Variants in SLCO1B3 observed in about 807,000 individuals in gnomAD.
The protein encoded by SLCO1B3 is solute carrier organic anion transporter family member 1B3.
A neutral mutation model predicts 71.8 loss-of-function variants in SLCO1B3; 72 were observed. That is an observed-to-expected ratio of 1.00 (90% CI 0.83 to 1.22). The LOEUF is 1.22. SLCO1B3 is among the 50% of genes most tolerant of loss of function. The probability of loss-of-function intolerance (pLI) is 0.00; values close to 1 mark genes in which losing one functional copy is unlikely to be tolerated. For missense variants in SLCO1B3, 911 were observed against 819.7 expected (o/e 1.11, Z -1.36); for synonymous variants, 298 against 278.4 (o/e 1.07, Z -0.70).
Position 20,863,999 on chromosome 12 carries a change from G to A in SLCO1B3, c.727+1145G>A, listed in dbSNP as rs183413447. Among the ~76,000 whole-genome samples, 704 of 151,540 alleles carry A rather than the reference G, an allele frequency of 4.6e-3. 4 individuals carry two copies. The highest frequency in any genetic ancestry group is 0.015 in the African/African-American group (630 of 41,286). ...CAACCTGTGAAAAGCTGGTCTCATCGTCTGATTTCCAAACCCACTTTGTTT... is the reference window on the plus strand; with the variant it reads ...CAACCTGTGAAAAGCTGGTCTCATCATCTGATTTCCAAACCCACTTTGTTT... On this transcript the variant is annotated intron_variant, in intron 8 of 15. Coordinates refer to ENST00000381545, the MANE Select transcript of SLCO1B3 (RefSeq NM_019844.4).
At chr12:20,846,530 A>G (rs931890323) in intron 3 of SLCO1B3, among the ~76,000 whole-genome samples, 2 of 152,224 alleles carry the variant, frequency 1.3e-5, no homozygotes, top group African/African-American at 4.8e-5. Context: ...AGATGGTAAT[A>G]AAAACAATGA....
At chr12:20,837,375 G>GT (rs1864706495) in intron 3 of SLCO1B3, among the ~76,000 whole-genome samples, 1 of 151,680 alleles carries the variant, frequency 6.6e-6, no homozygotes, top group East Asian at 1.9e-4. Context: ...TTCATTTGCT[G>GT]TTTTTTTCCA....
chr12:20,815,609 C>T (rs1864178510), intron 2 of SLCO1B3, 65 bp from the exon 3 acceptor site: 2 of 618,954 alleles, frequency 3.2e-6, no homozygotes, highest in African/African-American at 1.9e-5. Flanking sequence ...GAGCTTGTGG[C>T]TTTTCCTATT....
intron 3 of SLCO1B3, among the ~76,000 whole-genome samples, chr12:20,819,053 GT>G: frequency 6.6e-6 from 1 of 152,230 alleles, no homozygotes; most frequent in Non-Finnish European, 1.5e-5. Context: ...AGCATAGTTT[GT>G]GATTTTGAGG....
chr12:20,836,652 G>T (rs1265391572), intron 3 of SLCO1B3, among the ~76,000 whole-genome samples: 4 of 151,752 alleles, frequency 2.6e-5, no homozygotes, highest in Non-Finnish European at 5.9e-5. Flanking sequence ...GTTTTGTTTT[G>T]TTTTTTTGAG....
intron 13 of SLCO1B3, among the ~76,000 whole-genome samples, chr12:20,893,237 G>A (rs1865937893): frequency 6.6e-6 from 1 of 152,142 alleles, no homozygotes; most frequent in Non-Finnish European, 1.5e-5. Flanking sequence ...TTCCAGAAAA[G>A]AGGTCAAGAA....
At chr12:20,882,379 C>G (rs1865710369) in intron 12 of SLCO1B3, among the ~76,000 whole-genome samples, 1 of 152,134 alleles carries the variant, frequency 6.6e-6, no homozygotes, top group African/African-American at 2.4e-5. Context: ...AGGAATCTTT[C>G]TTGAACCATA....
intron 3 of SLCO1B3, among the ~76,000 whole-genome samples, chr12:20,827,642 G>C (rs1295420761): frequency 6.6e-6 from 1 of 151,932 alleles, no homozygotes; most frequent in African/African-American, 2.4e-5. Context: ...CATGATCTCA[G>C]TTCACTGCAA....
chr12:20,883,968 G>C (rs1175326532), intron 13 of SLCO1B3, among the ~76,000 whole-genome samples: 2 of 152,066 alleles, frequency 1.3e-5, no homozygotes, highest in Non-Finnish European at 2.9e-5. Context: ...TGATTTCATT[G>C]AAAGAAAACA....
intron 3 of SLCO1B3, among the ~76,000 whole-genome samples, chr12:20,843,797 A>G (rs760588367): frequency 8.0e-5 from 12 of 150,564 alleles, no homozygotes; most frequent in Non-Finnish European, 1.5e-4. Context: ...AAAAAAAAGT[A>G]CTATTAATCT....
Position 20,875,198 on chromosome 12 carries a change from C to T in SLCO1B3, c.728-37C>T, listed in dbSNP as rs746360624. On this transcript the variant is annotated intron_variant, in intron 8 of 15. Coordinates refer to ENST00000381545, the MANE Select transcript of SLCO1B3 (RefSeq NM_019844.4). ...TCCCAGAACCTACTGTATTTCAAAA[C>T]GATTTTTGACTGGCTTCTTTTAACT... 89 of 1,609,404 alleles carry T rather than the reference C, an allele frequency of 5.5e-5. 2 individuals are homozygous for T. The highest frequency in any genetic ancestry group is 5.1e-4 in the South Asian group (46 of 90,110).
Position 20,860,884 on chromosome 12 carries a change from G to A in SLCO1B3, c.360-133G>A, listed in dbSNP as rs957908446. 1.6e-5 allele frequency: 15 copies of A among 910,888 alleles called. No individual in the cohort carries two copies. In the African/African-American group the frequency reaches 2.1e-4, roughly 13 times the overall value. 56.4% of individuals were successfully genotyped at this position (910,888 alleles called of 1,614,324 possible). On this transcript the variant is annotated intron_variant, in intron 5 of 15. Coordinates refer to ENST00000381545, the MANE Select transcript of SLCO1B3 (RefSeq NM_019844.4). ...CCTGTTCTGAAATACATGCTGGGAAGTTGACAAACAAGATTCTGGTAATTT... is the reference window on the plus strand; with the variant it reads ...CCTGTTCTGAAATACATGCTGGGAAATTGACAAACAAGATTCTGGTAATTT...
chr12:20,848,305 G>T (rs577023737), intron 3 of SLCO1B3, among the ~76,000 whole-genome samples: 1 of 152,272 alleles, frequency 6.6e-6, no homozygotes, highest in East Asian at 1.9e-4. Context: ...ACTTATTAGA[G>T]TGAGTAACAT....
intron 3 of SLCO1B3, among the ~76,000 whole-genome samples, chr12:20,849,347 C>T (rs1380524542): frequency 2.6e-5 from 4 of 151,660 alleles, no homozygotes; most frequent in African/African-American, 9.7e-5. Flanking sequence ...GACACAAATC[C>T]AACACCCTTT....
At chr12:20,855,562 A>G (rs1314467883) in intron 4 of SLCO1B3, among the ~76,000 whole-genome samples, 1 of 151,940 alleles carries the variant, frequency 6.6e-6, no homozygotes, top group Non-Finnish European at 1.5e-5. Flanking sequence ...TTGAGGGAGG[A>G]CGATAATTCT....
chr12:20,874,321 A>G (rs1801815887), intron 8 of SLCO1B3, among the ~76,000 whole-genome samples: 1 of 152,222 alleles, frequency 6.6e-6, no homozygotes, highest in Non-Finnish European at 1.5e-5. Flanking sequence ...GGAGAATGGC[A>G]AGAGGATGTC....
chr12:20,908,067 ACTT>A (rs1444883711), intron 15 of SLCO1B3, among the ~76,000 whole-genome samples: 1 of 152,198 alleles, frequency 6.6e-6, no homozygotes, highest in African/African-American at 2.4e-5. Context: ...AAACTGTACT[ACTT>A]CTTTTTCCTT....
intron 13 of SLCO1B3, among the ~76,000 whole-genome samples, chr12:20,888,058 C>T (rs1388505018): frequency 6.6e-6 from 1 of 151,796 alleles, no homozygotes; most frequent in Non-Finnish European, 1.5e-5. Context: ...TTATTTCTGG[C>T]TTCTCCATTC....
chr12:20,838,130 T>A lies in SLCO1B3; in HGVS notation c.85-16898T>A, dbSNP rs11045550. Among the ~76,000 whole-genome samples the A allele has an allele frequency of 3.6e-4, 54 of 152,002 alleles. 1 individual carries two copies. The highest frequency in any genetic ancestry group is 2.1e-3 in the East Asian group (11 of 5,170). The stretch of plus-strand genomic sequence containing the variant: ...ATTTCCTTTTGCTTTTCTTTTTTTT[T>A]AAATTTTATTATTATTATACTTTAA... On this transcript the variant is annotated intron_variant, in intron 3 of 15. Transcript: ENST00000381545.
Sources: allele counts gnomAD v4.1 joint callset (sites outside exome capture counted in the v4.1 genomes callset), GRCh38; gene constraint gnomAD v4.1.1; transcripts MANE v1.5; gene names NCBI Gene and HGNC (gene_info 2026-07-23, HGNC 2026-07-21).